Variants in VRK2 observed in about 807,000 individuals in gnomAD.
The protein encoded by VRK2 is VRK serine/threonine kinase 2.
VRK2 carries 60 observed loss-of-function variants against 57.6 expected under a neutral mutation model. That is an observed-to-expected ratio of 1.04 (90% CI 0.85 to 1.29). The LOEUF is 1.29. Ranked by LOEUF, VRK2 falls within the 50% of genes most tolerant of loss-of-function variation. The pLI, the probability that VRK2 is intolerant of heterozygous loss-of-function variation, is 0.00. For synonymous variants in VRK2, 231 were observed against 199.2 expected (o/e 1.16, Z -1.35); for missense variants, 705 against 588.1 (o/e 1.20, Z -2.06).
chr2:58,157,126 GT>G (rs1684004138), intron 12 of VRK2, among the ~76,000 whole-genome samples: 1 of 152,058 alleles, frequency 6.6e-6, no homozygotes. Context: ...CCTGAGCTTT[GT>G]TTTAGATCCC....
chr2:58,031,190 C>T (rs921136541), intron 2 of VRK2, among the ~76,000 whole-genome samples: 1 of 152,042 alleles, frequency 6.6e-6, no homozygotes, highest in African/African-American at 2.4e-5. Flanking sequence ...TTCATCACAC[C>T]TTTCATTTCA....
intron 1 of VRK2, among the ~76,000 whole-genome samples, chr2:58,014,251 T>G (rs1236617229): frequency 6.6e-6 from 1 of 152,208 alleles, no homozygotes; most frequent in African/African-American, 2.4e-5. Context: ...TTACCAAATC[T>G]GCATATTGTG....
At chr2:58,104,887 G>A (rs1471417586) in intron 7 of VRK2, among the ~76,000 whole-genome samples, 5 of 151,600 alleles carry the variant, frequency 3.3e-5, no homozygotes, top group African/African-American at 1.2e-4. Flanking sequence ...ACAGAATAGA[G>A]AACCAATAAA....
chr2:58,102,779 A>G (rs1039960177), intron 7 of VRK2, among the ~76,000 whole-genome samples: 3 of 151,814 alleles, frequency 2.0e-5, no homozygotes, highest in East Asian at 1.9e-4. Context: ...GCTGCAGAAT[A>G]TACATTTTAC....
At chr2:58,012,898 A>G (rs1204787046) in intron 1 of VRK2, among the ~76,000 whole-genome samples, 2 of 152,242 alleles carry the variant, frequency 1.3e-5, no homozygotes, top group Non-Finnish European at 2.9e-5. Context: ...TTTTTCAATG[A>G]AAAATATAAA....
intron 7 of VRK2, among the ~76,000 whole-genome samples, chr2:58,113,597 G>A (rs1030872213): frequency 6.6e-6 from 1 of 152,178 alleles, no homozygotes; most frequent in South Asian, 2.1e-4. Flanking sequence ...GAAAATTACA[G>A]TCAAAGGGGG....
At position 57,912,146 on chromosome 2, in the gene VRK2, A is replaced by C. The variant is rs182762733; in HGVS notation, c.-439+4307A>C. Among the ~76,000 whole-genome samples, 131 of 152,368 alleles carry C rather than the reference A, an allele frequency of 8.6e-4. 3 individuals are homozygous for C. The highest frequency in any genetic ancestry group is 1.1e-3 in the Non-Finnish European group (73 of 68,038). ...AGCAAATAGTTTCAAATTTTCAGCT[A>C]GATTCTAACTTCTCAGTTGTATAAA... is the stretch of plus-strand genomic sequence containing the variant. On this transcript the variant is annotated intron_variant, in intron 1 of 15. Coordinates refer to the VRK2 transcript ENST00000417641.
intron 1 of VRK2, among the ~76,000 whole-genome samples, chr2:57,957,061 C>T (rs1671608506): frequency 6.6e-6 from 1 of 151,954 alleles, no homozygotes; most frequent in African/African-American, 2.4e-5. Flanking sequence ...CTACAAGACT[C>T]AATAGAGGAG....
chr2:57,945,088 A>G (rs905577497), intron 1 of VRK2, among the ~76,000 whole-genome samples: 2 of 152,210 alleles, frequency 1.3e-5, no homozygotes, highest in Non-Finnish European at 2.9e-5. Flanking sequence ...ACTGATCAGT[A>G]TCTACATGGA....
At chr2:58,121,795 A>G (rs1369043036) in intron 7 of VRK2, among the ~76,000 whole-genome samples, 2 of 152,194 alleles carry the variant, frequency 1.3e-5, no homozygotes, top group Non-Finnish European at 2.9e-5. Flanking sequence ...AGAAATGTGT[A>G]TGAAATGATA....
intron 7 of VRK2, among the ~76,000 whole-genome samples, chr2:58,116,115 C>T (rs11096694): frequency 4.6e-5 from 7 of 152,016 alleles, no homozygotes; most frequent in Admixed American, 1.3e-4. Context: ...CTGTAGCAGG[C>T]GAGTGATAAC....
At chr2:57,985,941 A>C (rs1672580198) in intron 1 of VRK2, among the ~76,000 whole-genome samples, 1 of 152,192 alleles carries the variant, frequency 6.6e-6, no homozygotes, top group South Asian at 2.1e-4. Flanking sequence ...CATTTACATT[A>C]ATTAGACATA....
chr2:58,125,934 A>G (rs1355619604), intron 8 of VRK2, among the ~76,000 whole-genome samples: 2 of 152,216 alleles, frequency 1.3e-5, no homozygotes, highest in Admixed American at 6.5e-5. Flanking sequence ...TCAGTTGAGG[A>G]TTTTATTAGA....
chr2:58,158,088 A>AATT (rs1490411898), intron 12 of VRK2, among the ~76,000 whole-genome samples: 4 of 152,190 alleles, frequency 2.6e-5, no homozygotes, highest in Non-Finnish European at 5.9e-5. Context: ...TGATTCTGGA[A>AATT]ATTATAGTAG....
intron 1 of VRK2, among the ~76,000 whole-genome samples, chr2:57,908,246 A>G (rs1026516680): frequency 2.0e-5 from 3 of 152,198 alleles, no homozygotes; most frequent in African/African-American, 7.2e-5. Flanking sequence ...ATGACCACAC[A>G]TCACGTATGA....
intron 6 of VRK2, among the ~76,000 whole-genome samples, chr2:58,089,130 CT>C (rs1672028533): frequency 6.6e-6 from 1 of 152,148 alleles, no homozygotes. Context: ...ACATGCAAGG[CT>C]GAAGGGCTTT....
chr2:58,158,298 G>A (rs978134498), intron 12 of VRK2, among the ~76,000 whole-genome samples: 6 of 152,106 alleles, frequency 3.9e-5, no homozygotes, highest in South Asian at 4.1e-4. Flanking sequence ...ATGTGACTTC[G>A]TTAGCTCAGA....
chr2:57,938,535 C>A (rs932069673), intron 1 of VRK2, among the ~76,000 whole-genome samples: 32 of 152,270 alleles, frequency 2.1e-4, no homozygotes, highest in African/African-American at 7.5e-4. Context: ...AAACAGGATA[C>A]CACTTAATGC....
chr2:58,101,746 G>T lies in VRK2; in HGVS notation c.543+12023G>T, dbSNP rs572993111. Among the ~76,000 whole-genome samples, 52 of 151,816 alleles carry T rather than the reference G, an allele frequency of 3.4e-4. No homozygotes were observed. In the South Asian group the frequency reaches 0.01, roughly 30 times the overall value. On this transcript the variant is annotated intron_variant, in intron 7 of 12. Transcript: ENST00000340157. Reference sequence around the variant, plus strand: ...TAGCTAAAATCTGATTTAGGAAACTGCTGGTGTAGAACCAGGTGAATGTGA... The same window carrying T: ...TAGCTAAAATCTGATTTAGGAAACTTCTGGTGTAGAACCAGGTGAATGTGA...
Sources: gnomAD v4.1 joint callset for allele counts (sites outside exome capture counted in the v4.1 genomes callset) on GRCh38, gnomAD v4.1.1 for gene constraint, MANE v1.5 for transcripts, NCBI Gene and HGNC (gene_info 2026-07-23, HGNC 2026-07-21) for gene names.